The following TBC1D19 variants were observed in gnomAD, a reference collection of about 807,000 sequenced individuals.
The protein encoded by TBC1D19 is TBC1 domain family member 19.
TBC1D19 carries 60 observed loss-of-function variants against 89.0 expected under a neutral mutation model. That is an observed-to-expected ratio of 0.67 (90% CI 0.55 to 0.84). The LOEUF is 0.84. Among genes scored for constraint, TBC1D19 ranks in the 40% least tolerant of loss-of-function variants. The probability of loss-of-function intolerance (pLI) is 0.00; values close to 1 mark genes in which losing one functional copy is unlikely to be tolerated. For synonymous variants in TBC1D19, 189 were observed against 199.7 expected (o/e 0.95, Z 0.45); for missense variants, 500 against 610.8 (o/e 0.82, Z 1.91).
chr4:26,658,652 T>C (rs1745034186), intron 7 of TBC1D19, among the ~76,000 whole-genome samples: 1 of 152,186 alleles, frequency 6.6e-6, no homozygotes, highest in African/African-American at 2.4e-5. Context: ...GGGGATAGCA[T>C]TGAATCTATA....
chr4:26,691,586 A>AT (rs141552141), intron 13 of TBC1D19, among the ~76,000 whole-genome samples: 3,150 of 149,342 alleles, frequency 0.021, 99 homozygotes, highest in African/African-American at 0.071. Flanking sequence ...GGTTATTAGC[A>AT]TTTTTTTTTT....
At chr4:26,702,662 T>C (rs561595856) in intron 13 of TBC1D19, among the ~76,000 whole-genome samples, 63 of 152,210 alleles carry the variant, frequency 4.1e-4, no homozygotes, top group Non-Finnish European at 8.2e-4. Flanking sequence ...CTTCTCCTGC[T>C]TTTAGTACTT....
At chr4:26,848,338 C>T in the TBC1D19 span, among the ~76,000 whole-genome samples, 16 of 152,198 alleles carry the variant, frequency 1.1e-4, no homozygotes, top group Non-Finnish European at 2.4e-4. Flanking sequence ...TTGTCAACTA[C>T]AGACTATGGG....
At chr4:26,823,160 A>G in the TBC1D19 span, among the ~76,000 whole-genome samples, 1 of 152,246 alleles carries the variant, frequency 6.6e-6, no homozygotes, top group East Asian at 1.9e-4. Flanking sequence ...CATGGATGGC[A>G]ACAGGCAAAC....
chr4:26,726,126 AACACACACACACACACACACACACAC>A lies in TBC1D19; in HGVS notation c.1084+6029_1084+6054del, dbSNP rs56262902. Among the ~76,000 whole-genome samples, 90 of 127,178 alleles carry A rather than the reference AACACACACACACACACACACACACAC, an allele frequency of 7.1e-4. No homozygotes were observed. The South Asian group carries it at 8.2e-3, about 12-fold the overall frequency. The allele number at this position is 127,178 out of a possible 152,430, so 83.4% of individuals were successfully genotyped here. Reference sequence around the variant, plus strand: ...ATTCTCAACCAGTGGCAATTCTCCCAACACACACACACACACACACACACACACACACACACACACACACACACACA... The same window carrying A: ...ATTCTCAACCAGTGGCAATTCTCCCAACACACACACACACACACACACACA... On this transcript the variant is annotated intron_variant, in intron 15 of 20. Transcript: ENST00000264866.
intron 1 of TBC1D19, among the ~76,000 whole-genome samples, chr4:26,594,310 A>G (rs1740044437): frequency 6.6e-6 from 1 of 152,150 alleles, no homozygotes; most frequent in Non-Finnish European, 1.5e-5. Flanking sequence ...TGGACACAGG[A>G]AGGGGAACAT....
At chr4:26,766,461 G>T in the TBC1D19 span, among the ~76,000 whole-genome samples, 3 of 152,100 alleles carry the variant, frequency 2.0e-5, no homozygotes, top group Admixed American at 2.0e-4. Context: ...ATATAAATAC[G>T]CAACCACTGT....
At chr4:26,656,074 T>C (rs1744783045) in intron 7 of TBC1D19, among the ~76,000 whole-genome samples, 1 of 152,144 alleles carries the variant, frequency 6.6e-6, no homozygotes, top group Non-Finnish European at 1.5e-5. Flanking sequence ...CTTAAAAATA[T>C]TTTTAAAAAT....
At chr4:26,802,784 C>T in the TBC1D19 span, among the ~76,000 whole-genome samples, 1 of 152,152 alleles carries the variant, frequency 6.6e-6, no homozygotes, top group Non-Finnish European at 1.5e-5. Context: ...AATGTATTAG[C>T]TCAAACTGCT....
intron 13 of TBC1D19, among the ~76,000 whole-genome samples, chr4:26,692,498 A>C (rs1714385225): frequency 2.0e-5 from 3 of 152,232 alleles, no homozygotes. Flanking sequence ...CTCCAAGAGA[A>C]GTAGGCCACT....
chr4:26,680,517 C>T (rs1426744887), intron 11 of TBC1D19, among the ~76,000 whole-genome samples: 1 of 152,082 alleles, frequency 6.6e-6, no homozygotes, highest in Non-Finnish European at 1.5e-5. Context: ...CCTTTCACAG[C>T]TACACCTGTG....
chr4:26,581,179 C>T (rs577119528), upstream of TBC1D19, among the ~76,000 whole-genome samples: 34 of 152,266 alleles, frequency 2.2e-4, no homozygotes, highest in East Asian at 1.9e-3. Context: ...TCTCTACCCA[C>T]CTTGGGTACA....
chr4:26,641,694 G>A (rs1370008979), intron 7 of TBC1D19, among the ~76,000 whole-genome samples: 1 of 152,114 alleles, frequency 6.6e-6, no homozygotes, highest in African/African-American at 2.4e-5. Flanking sequence ...AAGATTAGAC[G>A]AATGGCTAAC....
chr4:26,657,669 C>A (rs919550736), intron 7 of TBC1D19, among the ~76,000 whole-genome samples: 2 of 152,176 alleles, frequency 1.3e-5, no homozygotes, highest in African/African-American at 4.8e-5. Context: ...ACACTGTCTT[C>A]CACAATGGTT....
At chr4:26,775,440 C>T in the TBC1D19 span, among the ~76,000 whole-genome samples, 20 of 152,246 alleles carry the variant, frequency 1.3e-4, 1 homozygote, top group Admixed American at 7.2e-4. Flanking sequence ...GGCAACAGAG[C>T]GAGACTCTGT....
chr4:26,744,265 AT>A (rs1718524332), intron 18 of TBC1D19, among the ~76,000 whole-genome samples: 1 of 151,474 alleles, frequency 6.6e-6, no homozygotes, highest in Non-Finnish European at 1.5e-5. Flanking sequence ...ATTATCTCCC[AT>A]TTTTTCTTGA....
intron 7 of TBC1D19, among the ~76,000 whole-genome samples, chr4:26,650,021 A>G (rs1032151656): frequency 6.6e-6 from 1 of 152,240 alleles, no homozygotes; most frequent in South Asian, 2.1e-4. Flanking sequence ...CTTCATCCGC[A>G]TCCCTACAAA....
At chr4:26,605,810 A>T (rs369827297) in intron 1 of TBC1D19, among the ~76,000 whole-genome samples, 4 of 152,204 alleles carry the variant, frequency 2.6e-5, no homozygotes, top group Admixed American at 1.3e-4. Flanking sequence ...GCCAGTGATG[A>T]TGAGCATTTT....
chr4:26,799,653 G>A, the TBC1D19 span, among the ~76,000 whole-genome samples: 1 of 152,154 alleles, frequency 6.6e-6, no homozygotes, highest in East Asian at 1.9e-4. Context: ...GCTTGAGGGA[G>A]CTTGTTCATC....
Sources: allele counts gnomAD v4.1 joint callset (sites outside exome capture counted in the v4.1 genomes callset), GRCh38; gene constraint gnomAD v4.1.1; transcripts MANE v1.5; gene names NCBI Gene and HGNC (gene_info 2026-07-23, HGNC 2026-07-21).